Variants in RIOK1 observed in about 807,000 individuals in gnomAD.
RIOK1 encodes the protein RIO kinase 1.
In RIOK1, 66 loss-of-function variants were observed where a neutral mutation model predicts 73.5. The ratio of observed to expected loss-of-function variants is 0.90; its 90% confidence interval spans 0.74 to 1.10. RIOK1 has a LOEUF of 1.10. Among genes scored for constraint, RIOK1 ranks in the 50% least tolerant of loss-of-function variants. RIOK1 has a pLI of 0.00. For synonymous variants in RIOK1, 224 were observed against 226.8 expected, an observed-to-expected ratio of 0.99 and a Z score of 0.11; for missense variants, 658 against 699.8, an observed-to-expected ratio of 0.94 and a Z score of 0.67.
chr6:7,395,513 C>CAAA (rs34911861), intron 3 of RIOK1, among the ~76,000 whole-genome samples: 7 of 108,126 alleles, frequency 6.5e-5, no homozygotes, highest in South Asian at 2.6e-4. Context: ...AATTCCATCT[C>CAAA]AAAAAAAAAA....
intron 12 of RIOK1, among the ~76,000 whole-genome samples, chr6:7,410,079 A>T (rs905985827): frequency 1.3e-5 from 2 of 152,152 alleles, no homozygotes; most frequent in African/African-American, 4.8e-5. Context: ...ATGCTAAAGC[A>T]TTTACTAAAT....
At chr6:7,405,431 C>T (rs1390591896) in intron 12 of RIOK1, 76 bp downstream of exon 12, 3 of 868,904 alleles carry the variant, frequency 3.5e-6, no homozygotes, top group Admixed American at 4.6e-5. Context: ...TGCTTGGGAC[C>T]AGAAGTGTTT....
At chr6:7,395,169 G>T (rs375995414) in intron 3 of RIOK1, 26 bp downstream of exon 3, 1 of 1,593,720 alleles carries the variant, frequency 6.3e-7, no homozygotes, top group Non-Finnish European at 8.6e-7. Context: ...ACATCACTGG[G>T]CTAAGAGGAC....
At chr6:7,407,295 A>G (rs1046416111) in intron 12 of RIOK1, among the ~76,000 whole-genome samples, 4 of 152,130 alleles carry the variant, frequency 2.6e-5, no homozygotes, top group African/African-American at 9.7e-5. Flanking sequence ...CCTCACCAGC[A>G]CTTACTAATC....
At chr6:7,399,478 C>T (rs1454598373) in intron 5 of RIOK1, among the ~76,000 whole-genome samples, 2 of 152,138 alleles carry the variant, frequency 1.3e-5, no homozygotes, top group Non-Finnish European at 2.9e-5. Context: ...ATGAGATAGC[C>T]TTAAGTTTCA....
chr6:7,409,830 A>G (rs935360937), intron 12 of RIOK1, among the ~76,000 whole-genome samples: 1 of 147,656 alleles, frequency 6.8e-6, no homozygotes, highest in South Asian at 2.1e-4. Context: ...TGCTCCCACT[A>G]TTTTTTCCTT....
chr6:7,406,782 C>T (rs1156994107), intron 12 of RIOK1, among the ~76,000 whole-genome samples: 1 of 152,032 alleles, frequency 6.6e-6, no homozygotes, highest in Non-Finnish European at 1.5e-5. Context: ...ACCCTGGCCT[C>T]CCTGAGTAGC....
At position 7,393,201 on chromosome 6, in the gene RIOK1, G is replaced by A. The variant is rs1251079981; in HGVS notation, c.174G>A (p.Glu58=). Residue 58 remains glutamate (E), a synonymous_variant, in exon 2 of 17, where the codon GAG becomes GAA. Transcript: ENST00000379834. ...ATGGTGAAGGTGAAATAGAAGATGA[G>A]GAGGAGGAGGGTTATGACGATGATG... ...NENGEGEIED[E]EEEGYDDDDD... 1.2e-6 allele frequency: 2 copies of A among 1,607,858 alleles called. No individual in the cohort carries two copies. The highest frequency in any genetic ancestry group is 1.7e-6 in the Non-Finnish European group (2 of 1,174,312).
rs1177540736 is a variant in RIOK1 at position 7,404,971 on chromosome 6, AC to A, written c.1048del (p.His350ThrfsTer8). The A allele has an allele frequency of 3.1e-6, 5 of 1,614,076 alleles. No individual in the cohort carries two copies. Among genetic ancestry groups the A allele is most frequent in the Non-Finnish European group, 4.2e-6 (5 of 1,180,034 alleles). ...GACGTGTCTCAGTCCGTGGAGCACG[AC>A]CACCCACATGCCTTGGAGTTCTTGA... ...IIDVSQSVEH[D>X]HPHALEFLRK... is the part of the protein sequence containing the mutation. On this transcript the variant is annotated frameshift_variant, in exon 11 of 17. Transcript: ENST00000379834. LOFTEE classifies it high-confidence loss of function.
At chr6:7,392,799 T>C (rs917940853) in intron 1 of RIOK1, 1 of 313,796 alleles carries the variant, frequency 3.2e-6, no homozygotes, top group African/African-American at 2.3e-5. Context: ...CTGAGTTGTT[T>C]ATTCAGCAGA....
chr6:7,411,382 T>C lies in RIOK1; in HGVS notation c.1320T>C (p.Tyr440=). ...IPRTLNEVKN[Y]ERDMDIIMKL... is the part of the protein sequence containing the mutation. ...GAACCTTGAATGAAGTGAAAAATTA[T>C]GAGAGGGATATGGACATAATTATGA... Residue 440 remains tyrosine, a synonymous_variant, in exon 14 of 17, where the codon TAT becomes TAC. Coordinates refer to ENST00000379834, the MANE Select transcript of RIOK1 (RefSeq NM_031480.3). The C allele has an allele frequency of 6.2e-7, 1 of 1,614,002 alleles. No individual in the cohort carries two copies. Among genetic ancestry groups the C allele is most frequent in the South Asian group, 1.1e-5 (1 of 91,082 alleles).
Position 7,417,594 on chromosome 6 carries a change from G to A in RIOK1, c.*153G>A. The A allele has an allele frequency of 2.0e-6, 1 of 490,224 alleles. No individual in the cohort carries two copies. Among genetic ancestry groups the A allele is most frequent in the Non-Finnish European group, 3.7e-6 (1 of 271,808 alleles). The allele number at this position is 490,224 out of a possible 1,614,324, so 30.4% of individuals were successfully genotyped here. A position where few individuals can be genotyped will look rare whatever the true frequency, so the allele number is the denominator to read the frequency against. On this transcript the variant is annotated 3_prime_UTR_variant, in exon 17 of 17. Coordinates refer to ENST00000379834, the MANE Select transcript of RIOK1 (RefSeq NM_031480.3). ...GATTCAAATGTTTTCATGTAACTAT[G>A]TAAAAAGCTCTAAGCTCTAGAGTCT...
At chr6:7,392,445 T>G (rs995287521) in intron 1 of RIOK1, among the ~76,000 whole-genome samples, 1 of 152,136 alleles carries the variant, frequency 6.6e-6, no homozygotes, top group Admixed American at 6.5e-5. Context: ...TGTAACTTCT[T>G]TTATTGCAAA....
chr6:7,395,316 C>G (rs911476829), intron 3 of RIOK1, among the ~76,000 whole-genome samples, 173 bp downstream of exon 3: 2 of 152,036 alleles, frequency 1.3e-5, no homozygotes, highest in Non-Finnish European at 2.9e-5. Flanking sequence ...GAGTTTGAGA[C>G]CAGCCTGACC....
chr6:7,416,767 C>T (rs969889746), intron 16 of RIOK1, among the ~76,000 whole-genome samples: 1 of 151,894 alleles, frequency 6.6e-6, no homozygotes, highest in Non-Finnish European at 1.5e-5. Context: ...CTGCAGTGCA[C>T]AATGGTCATG....
At chr6:7,410,790 G>A (rs1010059533) in intron 13 of RIOK1, among the ~76,000 whole-genome samples, 5 of 152,270 alleles carry the variant, frequency 3.3e-5, no homozygotes, top group African/African-American at 1.2e-4. Context: ...TTCTAGAAAT[G>A]TTATAGATTT....
At chr6:7,415,802 G>A (rs1433826558) in intron 16 of RIOK1, among the ~76,000 whole-genome samples, 1 of 152,206 alleles carries the variant, frequency 6.6e-6, no homozygotes, top group Non-Finnish European at 1.5e-5. Context: ...TGCCAATGAA[G>A]AAGCTACTGT....
intron 12 of RIOK1, among the ~76,000 whole-genome samples, chr6:7,406,755 G>A (rs777964859): frequency 1.3e-5 from 2 of 152,138 alleles, no homozygotes; most frequent in South Asian, 2.1e-4. Flanking sequence ...CTGCCTTCGG[G>A]TTCAAGCAAT....
intron 16 of RIOK1, among the ~76,000 whole-genome samples, chr6:7,416,083 A>G (rs1761993359): frequency 6.6e-6 from 1 of 152,316 alleles, no homozygotes; most frequent in African/African-American, 2.4e-5. Context: ...ATCCCTAGCC[A>G]TAGACATAGA....
Sources: allele counts gnomAD v4.1 joint callset (sites outside exome capture counted in the v4.1 genomes callset), GRCh38; gene constraint gnomAD v4.1.1; transcripts MANE v1.5; gene names NCBI Gene and HGNC (gene_info 2026-07-23, HGNC 2026-07-21).